CSMD2: variants seen among roughly 807,000 people sequenced by gnomAD.
The protein encoded by CSMD2 is CUB and Sushi multiple domains 2.
Under a neutral mutation model 398.5 loss-of-function variants are expected in CSMD2, and 130 were observed. The ratio of observed to expected loss-of-function variants is 0.33; its 90% confidence interval spans 0.28 to 0.38. The LOEUF is 0.38. CSMD2 is among the 10% of genes least tolerant of loss of function. The pLI is 1.00. For missense variants in CSMD2, 3,829 were observed against 4,764.9 expected, an observed-to-expected ratio of 0.80 and a Z score of 5.78; for synonymous variants, 1,828 against 1,908.5, an observed-to-expected ratio of 0.96 and a Z score of 1.10.
At chr1:33,722,388 A>G (rs1235915125) in intron 19 of CSMD2, among the ~76,000 whole-genome samples, 1 of 152,230 alleles carries the variant, frequency 6.6e-6, no homozygotes, top group East Asian at 1.9e-4. Flanking sequence ...GGAATGCCTG[A>G]ACCATTTCGC....
At chr1:34,128,943 T>C (rs1663029730) in intron 1 of CSMD2, among the ~76,000 whole-genome samples, 1 of 152,010 alleles carries the variant, frequency 6.6e-6, no homozygotes, top group South Asian at 2.1e-4. Context: ...AATTCACACC[T>C]GTGCACACAC....
rs118000196 is a variant in CSMD2 at position 34,127,595 on chromosome 1, G to A, written c.187+37316C>T. On this transcript the variant is annotated intron_variant, in intron 1 of 70. Transcript: ENST00000373381. ...TCTGCCTGTTCTCAGTGAGGTACCA[G>A]GGTAGTCATCCTGTGATGGAACCAG... Among the ~76,000 whole-genome samples the A allele has an allele frequency of 4.3e-4, 66 of 152,298 alleles. 2 individuals carry two copies. In the East Asian group the frequency reaches 9.3e-3, roughly 21 times the overall value.
At chr1:33,901,786 A>G (rs12117536) in intron 5 of CSMD2, among the ~76,000 whole-genome samples, 48,280 of 152,102 alleles carry the variant, frequency 0.32, 8,505 homozygotes, top group African/African-American at 0.47. Flanking sequence ...CTAGGAGTCA[A>G]TGTGCTTCAT....
chr1:33,537,321 T>A lies in CSMD2; in HGVS notation c.9805+115A>T. ...TGCAGAAGCTCAGAGGATGAGATGTTCCCTTTTGCAGATGAGACCACTGAA... is the reference window on the plus strand; with the variant it reads ...TGCAGAAGCTCAGAGGATGAGATGTACCCTTTTGCAGATGAGACCACTGAA... On this transcript the variant is annotated intron_variant, in intron 61 of 70. Coordinates refer to ENST00000373381, the MANE Select transcript of CSMD2 (RefSeq NM_001281956.2). This position sits in a 1 kb window ranked among gnomAD's most constrained non-coding sequence, Gnocchi z 4.6. 1 of 1,237,696 alleles carries A rather than the reference T, an allele frequency of 8.1e-7. No individual in the cohort carries two copies. The highest frequency in any genetic ancestry group is 1.1e-6 in the Non-Finnish European group (1 of 873,316). The allele number at this position is 1,237,696 out of a possible 1,614,324, so 76.7% of individuals were successfully genotyped here.
chr1:33,709,932 T>C (rs1423555338), intron 21 of CSMD2, among the ~76,000 whole-genome samples: 1 of 152,184 alleles, frequency 6.6e-6, no homozygotes, highest in Non-Finnish European at 1.5e-5. Context: ...GGAAAGTTTT[T>C]AGCATAGTCT....
chr1:34,151,230 G>T (rs1640288555), intron 1 of CSMD2, among the ~76,000 whole-genome samples: 1 of 152,108 alleles, frequency 6.6e-6, no homozygotes, highest in African/African-American at 2.4e-5. Context: ...GAAGGAACTT[G>T]GTTTTAAAAG....
chr1:33,889,733 T>C (rs1641853296), intron 5 of CSMD2, among the ~76,000 whole-genome samples: 1 of 150,196 alleles, frequency 6.7e-6, no homozygotes, highest in Admixed American at 6.7e-5. Context: ...GAATAATATG[T>C]TTATGTTTCA....
intron 12 of CSMD2, among the ~76,000 whole-genome samples, chr1:33,787,015 G>T (rs184426267): frequency 6.6e-6 from 1 of 152,320 alleles, no homozygotes; most frequent in East Asian, 1.9e-4. Context: ...TGCTGGAGTA[G>T]GGAGGGCCCT....
chr1:33,972,373 C>G (rs186317952), intron 3 of CSMD2, among the ~76,000 whole-genome samples: 3 of 152,236 alleles, frequency 2.0e-5, no homozygotes, highest in East Asian at 1.9e-4. Flanking sequence ...TAATAATACT[C>G]CTCACCCCCA....
chr1:34,093,182 C>T (rs1192020070), intron 1 of CSMD2, among the ~76,000 whole-genome samples: 2 of 152,104 alleles, frequency 1.3e-5, no homozygotes, highest in African/African-American at 4.8e-5. Flanking sequence ...CTCCAACAGA[C>T]CTGCAGCTGA....
Position 33,559,565 on chromosome 1 carries a change from A to C in CSMD2, c.8381-92T>G. ...CTCACCTGGCATCTCTTAGGCCATC[A>C]GTGAAGTTCAGCCCTAAGTCTAACT... On this transcript the variant is annotated intron_variant, in intron 53 of 70. Coordinates refer to ENST00000373381, the MANE Select transcript of CSMD2 (RefSeq NM_001281956.2). The surrounding 1 kb of genome is among the most constrained non-coding windows in gnomAD (Gnocchi z 4.0). The C allele has an allele frequency of 8.7e-7, 1 of 1,143,108 alleles. No individual in the cohort carries two copies. Among genetic ancestry groups the C allele is most frequent in the Non-Finnish European group, 1.2e-6 (1 of 805,518 alleles). The allele number at this position is 1,143,108 out of a possible 1,614,324, so 70.8% of individuals were successfully genotyped here. A position where few individuals can be genotyped will look rare whatever the true frequency, so the allele number is the denominator to read the frequency against.
chr1:33,577,959 G>A (rs764862076), intron 48 of CSMD2, among the ~76,000 whole-genome samples: 2 of 152,094 alleles, frequency 1.3e-5, no homozygotes, highest in Non-Finnish European at 2.9e-5. Context: ...CAATTTCCTC[G>A]CCTGTAAATT....
intron 6 of CSMD2, among the ~76,000 whole-genome samples, chr1:33,827,101 G>A (rs568428773): frequency 2.6e-5 from 4 of 152,116 alleles, no homozygotes; most frequent in Non-Finnish European, 4.4e-5. Context: ...ATTCAAGTCT[G>A]AGATACCTTT....
At position 33,559,421 on chromosome 1, in the gene CSMD2, G is replaced by T; in HGVS notation, c.8433C>A (p.Asn2811Lys). The change falls in exon 54 of 71, where the codon AAC (asparagine) becomes AAA (lysine). Residue 2811 changes from asparagine (N) to lysine (K), a missense_variant. Coordinates refer to ENST00000373381, the MANE Select transcript of CSMD2 (RefSeq NM_001281956.2). This position sits in a 1 kb window ranked among gnomAD's most constrained non-coding sequence, Gnocchi z 4.0. ...GNPVNGLTQG[N>K]QFNLNDVVKF... ...TGACCACATCGTTGAGGTTAAACTG[G>T]TTACCCTGAGTGAGGCCGTTGACAG... The T allele has an allele frequency of 6.5e-7, 1 of 1,536,122 alleles. No homozygotes were observed. Among genetic ancestry groups the T allele is most frequent in the Non-Finnish European group, 8.7e-7 (1 of 1,146,894 alleles).
At chr1:33,943,909 A>G (rs1246142434) in intron 3 of CSMD2, among the ~76,000 whole-genome samples, 1 of 143,570 alleles carries the variant, frequency 7.0e-6, no homozygotes, top group East Asian at 2.0e-4. Flanking sequence ...AATATATATT[A>G]TATATTAATC....
chr1:33,690,501 T>C (rs1040152597), intron 25 of CSMD2, among the ~76,000 whole-genome samples: 3 of 152,212 alleles, frequency 2.0e-5, no homozygotes, highest in South Asian at 2.1e-4. Context: ...CATTCATTTA[T>C]ATAATGCCAG....
chr1:33,581,642 G>A (rs1167570776), intron 47 of CSMD2, among the ~76,000 whole-genome samples: 1 of 151,398 alleles, frequency 6.6e-6, no homozygotes, highest in Non-Finnish European at 1.5e-5. Context: ...AAAATGTCAT[G>A]TCTCGGGGTC....
At chr1:33,653,246 G>C (rs1643860310) in intron 27 of CSMD2, among the ~76,000 whole-genome samples, 1 of 152,160 alleles carries the variant, frequency 6.6e-6, no homozygotes, top group Non-Finnish European at 1.5e-5. Context: ...GTGAATGGTT[G>C]ATAGACGGAG....
chr1:33,755,030 T>G (rs867043260), intron 13 of CSMD2, among the ~76,000 whole-genome samples: 2 of 152,184 alleles, frequency 1.3e-5, no homozygotes, highest in Middle Eastern at 6.8e-3. Context: ...TGCTAGGCAC[T>G]GTTGTAAGCC....
Sources: gnomAD v4.1 joint callset for allele counts (sites outside exome capture counted in the v4.1 genomes callset) on GRCh38, gnomAD v4.1.1 for gene constraint, Gnocchi (gnomAD v3.1) non-coding constraint, MANE v1.5 for transcripts, NCBI Gene and HGNC (gene_info 2026-07-23, HGNC 2026-07-21) for gene names.